VPS13B: variants seen among roughly 807,000 people sequenced by gnomAD.
VPS13B encodes vacuolar protein sorting 13 homolog B.
In VPS13B, 285 loss-of-function variants were observed where a neutral mutation model predicts 426.4. That is an observed-to-expected ratio of 0.67 (90% confidence interval 0.61 to 0.74). The LOEUF (loss-of-function observed/expected upper bound fraction) is 0.74. Ranked by LOEUF, VPS13B falls within the 30% of genes least tolerant of loss-of-function variation. VPS13B has a pLI of 0.00. For synonymous variants in VPS13B, 1,676 were observed against 1,676.4 expected (o/e 1.00, Z 0.01); for missense variants, 4,537 against 4,782.6 (o/e 0.95, Z 1.51).
chr8:99,310,217 A>T (rs1190770991), intron 19 of VPS13B, among the ~76,000 whole-genome samples: 1 of 152,114 alleles, frequency 6.6e-6, no homozygotes. Flanking sequence ...TTCCAACACT[A>T]TGTTGAATAG....
At chr8:99,636,643 C>G (rs1342040143) in intron 33 of VPS13B, among the ~76,000 whole-genome samples, 3 of 151,896 alleles carry the variant, frequency 2.0e-5, no homozygotes, top group Non-Finnish European at 2.9e-5. Context: ...CATTGTGCAG[C>G]TTTTATATGG....
chr8:99,079,308 A>G (rs1397208990), intron 3 of VPS13B, among the ~76,000 whole-genome samples: 1 of 152,006 alleles, frequency 6.6e-6, no homozygotes, highest in African/African-American at 2.4e-5. Flanking sequence ...CTGATTATCA[A>G]TGACAGCAGG....
At chr8:99,302,669 C>A (rs1410849090) in intron 19 of VPS13B, among the ~76,000 whole-genome samples, 54 of 152,122 alleles carry the variant, frequency 3.5e-4, no homozygotes, top group Admixed American at 3.5e-3. Flanking sequence ...CCACCACACC[C>A]AGCTGATTTT....
chr8:99,739,813 C>T (rs1400798855), intron 39 of VPS13B, among the ~76,000 whole-genome samples: 1 of 152,114 alleles, frequency 6.6e-6, no homozygotes, highest in East Asian at 1.9e-4. Flanking sequence ...ACACCAAAAC[C>T]CCATCTGTAC....
rs1251521388 is a variant in VPS13B, at chr8:99,442,500, T to A, written c.3310T>A (p.Tyr1104Asn). 8 of 1,613,888 alleles carry A rather than the reference T, an allele frequency of 5.0e-6. No homozygotes were observed. The highest frequency in any genetic ancestry group is 6.8e-6 in the Non-Finnish European group (8 of 1,179,918). Residue 1104 changes from tyrosine (Y) to asparagine (N), a missense_variant, in exon 23 of 62, where the codon TAC becomes AAC. Tyr to Asn is a moderately radical substitution (Grantham distance 143). Transcript: ENST00000357162. ...CATTCCTGGAACAGTAAGAAGTTGGTACCATGGACAAACCAGCATGCCGGG... is the reference window on the plus strand; with the variant it reads ...CATTCCTGGAACAGTAAGAAGTTGGAACCATGGACAAACCAGCATGCCGGG... ...GDIPGTVRSW[Y>N]HGQTSMPGTL...
At chr8:99,449,062 G>A (rs1050829340) in intron 23 of VPS13B, among the ~76,000 whole-genome samples, 2 of 152,140 alleles carry the variant, frequency 1.3e-5, no homozygotes, top group East Asian at 1.9e-4. Flanking sequence ...CTGGAGTCAA[G>A]ATTAGTTAAA....
chr8:99,431,370 C>T (rs537261626), intron 21 of VPS13B, among the ~76,000 whole-genome samples, 167 bp from the exon 22 acceptor site: 101 of 152,142 alleles, frequency 6.6e-4, no homozygotes, highest in Middle Eastern at 3.4e-3. Context: ...TGAATACTTG[C>T]AAAAATCAGT....
chr8:99,773,596 C>G (rs1352314672), intron 40 of VPS13B, among the ~76,000 whole-genome samples: 1 of 152,186 alleles, frequency 6.6e-6, no homozygotes, highest in South Asian at 2.1e-4. Context: ...TGCCATCCTT[C>G]TCACTGTCTA....
At chr8:99,818,280 T>C (rs996839950) in intron 45 of VPS13B, among the ~76,000 whole-genome samples, 171 bp from the exon 46 acceptor site, 2 of 152,210 alleles carry the variant, frequency 1.3e-5, no homozygotes, top group Admixed American at 1.3e-4. Flanking sequence ...TCACTGCACA[T>C]TTGCTTTCTG....
At chr8:99,167,791 A>G (rs553771606) in intron 15 of VPS13B, among the ~76,000 whole-genome samples, 1 of 152,128 alleles carries the variant, frequency 6.6e-6, no homozygotes, top group Non-Finnish European at 1.5e-5. Flanking sequence ...CTCTTATTCA[A>G]CTTTACAGTT....
intron 3 of VPS13B, among the ~76,000 whole-genome samples, chr8:99,045,721 T>C (rs1295352602): frequency 5.3e-5 from 8 of 152,232 alleles, no homozygotes; most frequent in Admixed American, 5.2e-4. Context: ...TTGATTTTTG[T>C]ATAAGGTGAG....
chr8:99,639,360 G>A (rs1829207845), intron 33 of VPS13B, among the ~76,000 whole-genome samples: 1 of 152,076 alleles, frequency 6.6e-6, no homozygotes, highest in African/African-American at 2.4e-5. Context: ...TATCTTGATG[G>A]ATAACTAAAT....
chr8:99,380,736 A>T (rs1279487095), intron 19 of VPS13B, among the ~76,000 whole-genome samples: 1 of 151,866 alleles, frequency 6.6e-6, no homozygotes, highest in Non-Finnish European at 1.5e-5. Context: ...GCTTGTTATT[A>T]ATAGTAATTT....
At chr8:99,327,400 C>G (rs1810333180) in intron 19 of VPS13B, among the ~76,000 whole-genome samples, 1 of 152,092 alleles carries the variant, frequency 6.6e-6, no homozygotes, top group South Asian at 2.1e-4. Flanking sequence ...GGTAGCCAGT[C>G]AAATAAATGG....
intron 5 of VPS13B, among the ~76,000 whole-genome samples, chr8:99,108,060 C>G (rs1329529816): frequency 6.6e-6 from 1 of 152,182 alleles, no homozygotes; most frequent in Non-Finnish European, 1.5e-5. Flanking sequence ...CATGTATACT[C>G]AGTGCTTAGC....
intron 21 of VPS13B, among the ~76,000 whole-genome samples, chr8:99,406,269 G>T (rs184946807): frequency 6.6e-6 from 1 of 151,234 alleles, no homozygotes; most frequent in East Asian, 1.9e-4. Flanking sequence ...TATCTCAAGG[G>T]CTATATGTGA....
chr8:99,696,530 C>A (rs1832011011), intron 35 of VPS13B: 1 of 460,674 alleles, frequency 2.2e-6, no homozygotes, highest in East Asian at 4.9e-5. Flanking sequence ...TCATGGAATT[C>A]CTGCCGCCCG....
At chr8:99,519,496 T>C (rs112332471) in intron 29 of VPS13B, among the ~76,000 whole-genome samples, 165 of 152,268 alleles carry the variant, frequency 1.1e-3, no homozygotes, top group African/African-American at 3.8e-3. Flanking sequence ...TAAAGACACA[T>C]GCACATGTAT....
intron 48 of VPS13B, 85 bp downstream of exon 48, chr8:99,819,667 G>C (rs1438059030): frequency 6.9e-7 from 1 of 1,449,578 alleles, no homozygotes; most frequent in Non-Finnish European, 9.5e-7. Context: ...TACCATAAGT[G>C]GTGTGTGCAT....
Sources: gnomAD v4.1 joint callset for allele counts (sites outside exome capture counted in the v4.1 genomes callset) on GRCh38, gnomAD v4.1.1 for gene constraint, MANE v1.5 for transcripts, NCBI Gene and HGNC (gene_info 2026-07-23, HGNC 2026-07-21) for gene names.